The following ABCC1 variants were observed in gnomAD, a reference collection of about 807,000 sequenced individuals.
ABCC1 encodes the protein ATP binding cassette subfamily C member 1 (ABCC1 blood group).
A neutral mutation model predicts 172.9 loss-of-function variants in ABCC1; 83 were observed. The observed-to-expected ratio is 0.48, with a 90% CI of 0.40 to 0.58. ABCC1 has a LOEUF of 0.58. Ranked by LOEUF, ABCC1 falls within the 20% of genes least tolerant of loss-of-function variation. The pLI, the probability that ABCC1 is intolerant of heterozygous loss-of-function variation, is 0.00. For missense variants in ABCC1, 1,817 were observed against 2,002.7 expected (o/e 0.91, Z 1.77); for synonymous variants, 937 against 825.2 (o/e 1.14, Z -2.32).
chr16:16,011,676 AT>A (rs1190664462), intron 3 of ABCC1, among the ~76,000 whole-genome samples: 4 of 149,890 alleles, frequency 2.7e-5, no homozygotes, highest in African/African-American at 4.9e-5. Flanking sequence ...TTATTTTTTT[AT>A]TTTTCCCCCC....
Position 16,136,547 on chromosome 16 carries a change from G to A in ABCC1, c.4195G>A (p.Val1399Ile), listed in dbSNP as rs764472664. ...ATTCAGCCAGTACTCGGATGAAGAAGTCTGGACGTCCCTGGAGCTGGCCCA... is the reference window on the plus strand; with the variant it reads ...ATTCAGCCAGTACTCGGATGAAGAAATCTGGACGTCCCTGGAGCTGGCCCA... The part of the protein sequence containing the change: ...DPFSQYSDEE[V>I]WTSLELAHLK... Residue 1399 changes from valine (V) to isoleucine (I), a missense_variant, in exon 29 of 31, where the codon GTC becomes ATC. Val to Ile is a conservative substitution (Grantham distance 29, BLOSUM62 3). Around this residue, in one of 3 missense-constraint regions of ABCC1, gnomAD observed 1,412 missense variants for 1,600.3 expected, o/e 0.88. Transcript: ENST00000399410. 1 of 1,614,198 alleles carries A rather than the reference G, an allele frequency of 6.2e-7. No homozygotes were observed. The highest frequency in any genetic ancestry group is 8.5e-7 in the Non-Finnish European group (1 of 1,180,040).
chr16:16,069,023 T>TA (rs1342373165), intron 13 of ABCC1, among the ~76,000 whole-genome samples: 1 of 149,960 alleles, frequency 6.7e-6, no homozygotes, highest in East Asian at 2.0e-4. Context: ...ACCCCAACCT[T>TA]ACGGCCGGGC....
intron 1 of ABCC1, among the ~76,000 whole-genome samples, chr16:15,995,053 C>T (rs1157555860): frequency 6.6e-6 from 1 of 151,268 alleles, no homozygotes; most frequent in East Asian, 2.0e-4. Flanking sequence ...ATTGCTTGAA[C>T]TCGGGAGGTG....
Position 16,062,141 on chromosome 16 carries a change from T to G in ABCC1, c.1677+5846T>G, listed in dbSNP as rs574481247. ...AGCCAGAGGGCGCTGGTGATGAGGT[T>G]TGGTCTGTGCCTTGTGTCCCGCTTA... On this transcript the variant is annotated intron_variant, in intron 12 of 30. Coordinates refer to ENST00000399410, the MANE Select transcript of ABCC1 (RefSeq NM_004996.4). 2.6e-5 allele frequency among the ~76,000 whole-genome samples: 4 copies of G among 152,302 alleles called. No homozygotes were observed. In the South Asian group the frequency reaches 8.3e-4, roughly 32 times the overall value.
Position 16,090,482 on chromosome 16 carries a change from C to A in ABCC1, c.2538C>A (p.Ile846=). 6.2e-7 allele frequency: 1 copy of A among 1,613,922 alleles called. No individual in the cohort carries two copies. The highest frequency in any genetic ancestry group is 8.5e-7 in the Non-Finnish European group (1 of 1,179,974). The part of the protein sequence containing the change: ...DVIIVMSGGK[I]SEMGSYQELL... ...TCATCGTCATGAGTGGCGGCAAGATCTCTGAGATGGGCTCCTACCAGGAGC... is the reference window on the plus strand; with the variant it reads ...TCATCGTCATGAGTGGCGGCAAGATATCTGAGATGGGCTCCTACCAGGAGC... The change falls in exon 19 of 31, where the codon ATC becomes ATA. Residue 846 remains isoleucine, a synonymous_variant. Coordinates refer to ENST00000399410, the MANE Select transcript of ABCC1 (RefSeq NM_004996.4).
intron 8 of ABCC1, among the ~76,000 whole-genome samples, chr16:16,045,395 CA>C (rs34870561): frequency 0.013 from 825 of 64,698 alleles, 2 homozygotes; most frequent in South Asian, 0.018. Context: ...GACTTTGTCT[CA>C]AAAAAAAAAA....
rs1222310276 is a variant in ABCC1, at chr16:16,106,780, G to A, written c.2778G>A (p.Arg926=). 1.2e-6 allele frequency: 2 copies of A among 1,614,000 alleles called. No homozygotes were observed. The highest frequency in any genetic ancestry group is 1.3e-5 in the African/African-American group (1 of 74,920). ...SSSSYSGDIS[R]HHNSTAELQK... is the part of the protein sequence containing the mutation. ...CCTCCTATAGTGGGGACATCAGCAG[G>A]CACCACAACAGCACCGCAGAACTGC... Residue 926 remains arginine, a synonymous_variant, in exon 21 of 31, where the codon AGG becomes AGA. Coordinates refer to ENST00000399410, the MANE Select transcript of ABCC1 (RefSeq NM_004996.4).
intron 10 of ABCC1, among the ~76,000 whole-genome samples, chr16:16,051,448 C>T (rs1006628581): frequency 6.6e-6 from 1 of 152,104 alleles, no homozygotes; most frequent in Non-Finnish European, 1.5e-5. Flanking sequence ...GATGGGATTA[C>T]AGGTGTCAGT....
At chr16:16,067,122 C>T (rs1413844690) in intron 12 of ABCC1, among the ~76,000 whole-genome samples, 17 of 152,046 alleles carry the variant, frequency 1.1e-4, no homozygotes, top group Non-Finnish European at 1.9e-4. Context: ...TGGTGGTATG[C>T]GCCTGTAGTC....
At chr16:15,991,248 T>C (rs1487146563) in intron 1 of ABCC1, among the ~76,000 whole-genome samples, 1 of 151,794 alleles carries the variant, frequency 6.6e-6, no homozygotes, top group Non-Finnish European at 1.5e-5. Context: ...GGGCCACCTG[T>C]GCCTCTAAAT....
In ABCC1 at chr16:16,141,460, C is replaced by G. The variant is rs1035609669; in HGVS notation, c.*179C>G. 2 of 612,988 alleles carry G rather than the reference C, an allele frequency of 3.3e-6. No homozygotes were observed. The highest frequency in any genetic ancestry group is 3.7e-5 in the African/African-American group (2 of 54,070). 38.0% of individuals were successfully genotyped at this position (612,988 alleles called of 1,614,324 possible). A position where few individuals can be genotyped will look rare whatever the true frequency, so the allele number is the denominator to read the frequency against. On this transcript the variant is annotated 3_prime_UTR_variant, in exon 31 of 31. Coordinates refer to ENST00000399410, the MANE Select transcript of ABCC1 (RefSeq NM_004996.4). ...CCGCCATCCGGTCCCCTGCCTGGAACTGGCTGTGAAGACCCAGGAGAGACA... is the reference window on the plus strand; with the variant it reads ...CCGCCATCCGGTCCCCTGCCTGGAAGTGGCTGTGAAGACCCAGGAGAGACA...
intron 12 of ABCC1, among the ~76,000 whole-genome samples, chr16:16,061,444 C>G (rs1014282330): frequency 6.6e-6 from 1 of 152,188 alleles, no homozygotes; most frequent in Non-Finnish European, 1.5e-5. Flanking sequence ...GATGCTAAGT[C>G]GTACCTCTCC....
intron 4 of ABCC1, among the ~76,000 whole-genome samples, chr16:16,016,043 G>A (rs1019790292): frequency 1.3e-5 from 2 of 152,088 alleles, no homozygotes; most frequent in Non-Finnish European, 2.9e-5. Context: ...TGATGGAGCC[G>A]GCTTTCTGCC....
intron 2 of ABCC1, 27 bp downstream of exon 2, chr16:16,008,019 G>T: frequency 5.6e-6 from 3 of 537,290 alleles, no homozygotes; most frequent in East Asian, 1.4e-4. Context: ...TTTCGTTGTG[G>T]GGGGTGGGAA....
At position 16,087,794 on chromosome 16, in the gene ABCC1, G is replaced by A. The variant is rs576215971; in HGVS notation, c.2460+803G>A. Reference sequence around the variant, plus strand: ...ATTTTAAAACTAACACATCCCCATGGGGGGCATATAGATTAAGAAAAACAT... The same window carrying A: ...ATTTTAAAACTAACACATCCCCATGAGGGGCATATAGATTAAGAAAAACAT... On this transcript the variant is annotated intron_variant, in intron 18 of 30. Transcript: ENST00000399410. Among the ~76,000 whole-genome samples, 210 of 152,160 alleles carry A rather than the reference G, an allele frequency of 1.4e-3. 2 individuals are homozygous for A. The highest frequency in any genetic ancestry group is 0.014 in the Middle Eastern group (4 of 294).
chr16:16,083,995 C>T (rs1222435576), intron 17 of ABCC1, among the ~76,000 whole-genome samples: 1 of 152,058 alleles, frequency 6.6e-6, no homozygotes. Context: ...GGAGGGGAGT[C>T]GATGATTCAT....
At chr16:16,009,666 C>A in intron 2 of ABCC1, 110 bp from the exon 3 acceptor site, 2 of 1,192,756 alleles carry the variant, frequency 1.7e-6, no homozygotes, top group Non-Finnish European at 2.3e-6. Flanking sequence ...TGTGGCTGAT[C>A]ATTTGAAGGC....
chr16:16,106,654 C>T (rs2052126511), intron 20 of ABCC1, 84 bp from the exon 21 acceptor site: 1 of 1,566,168 alleles, frequency 6.4e-7, no homozygotes, highest in Admixed American at 1.7e-5. Flanking sequence ...TGGTTCAGAC[C>T]CACAATAGCA....
chr16:16,006,523 A>G (rs4781711), intron 1 of ABCC1, among the ~76,000 whole-genome samples: 13,455 of 151,932 alleles, frequency 0.089, 654 homozygotes, highest in African/African-American at 0.11. Flanking sequence ...GTATGTATCT[A>G]TGAATTTGTC....
Sources: gnomAD v4.1 joint callset for allele counts (sites outside exome capture counted in the v4.1 genomes callset) on GRCh38, gnomAD v4.1.1 for gene constraint, gnomAD v4.1.1 regional missense constraint, MANE v1.5 for transcripts, NCBI Gene and HGNC (gene_info 2026-07-23, HGNC 2026-07-21) for gene names.